Variants in KIDINS220 observed in about 807,000 individuals in gnomAD.
The protein encoded by KIDINS220 is kinase D-interacting substrate of 220 kDa.
Under a neutral mutation model 157.6 loss-of-function variants are expected in KIDINS220, and 63 were observed. The ratio of observed to expected loss-of-function variants is 0.40; its 90% CI spans 0.33 to 0.49. The LOEUF is 0.49. Among genes scored for constraint, KIDINS220 ranks in the 20% least tolerant of loss-of-function variants. The pLI is 0.66. For synonymous variants in KIDINS220, 732 were observed against 783.6 expected (o/e 0.93, Z 1.10); for missense variants, 1,772 against 2,171.2 (o/e 0.82, Z 3.65).
chr2:8,801,051 T>G (rs567344121), intron 8 of KIDINS220, among the ~76,000 whole-genome samples: 1 of 152,290 alleles, frequency 6.6e-6, no homozygotes, highest in African/African-American at 2.4e-5. Context: ...TAAGACTGAC[T>G]CATTCCCCAG....
In KIDINS220 at chr2:8,751,538, C is replaced by G; in HGVS notation, c.3118G>C (p.Val1040Leu). ...AAAAAGACTTTTACATCTCGAGCCA[C>G]AAGAACTGGGGTCCTTGAAGACAAA... ...VFLSSRTPVL[V>L]ARDVKVFLPC... The change falls in exon 23 of 30, where the codon GTG becomes CTG. Residue 1040 changes from valine (V) to leucine (L), a missense_variant. Physicochemically the swap from Val to Leu is conservative, Grantham distance 32 (BLOSUM62 1). This residue lies in a region of KIDINS220 where 725 missense variants were observed against 1,017.1 expected (regional missense o/e 0.71). Transcript: ENST00000256707. 6.2e-7 allele frequency: 1 copy of G among 1,613,714 alleles called. No homozygotes were observed. The highest frequency in any genetic ancestry group is 8.5e-7 in the Non-Finnish European group (1 of 1,179,880).
chr2:8,831,927 C>T (rs1679682537), intron 1 of KIDINS220, among the ~76,000 whole-genome samples: 1 of 152,206 alleles, frequency 6.6e-6, no homozygotes, highest in Admixed American at 6.5e-5. Flanking sequence ...TCACCCAAAC[C>T]ACAAAATGCC....
intron 22 of KIDINS220, among the ~76,000 whole-genome samples, chr2:8,752,082 G>A (rs1667442111): frequency 6.6e-6 from 1 of 151,620 alleles, no homozygotes; most frequent in African/African-American, 2.4e-5. Flanking sequence ...GTGCAGTGGT[G>A]CAGTCTTGGC....
intron 26 of KIDINS220, among the ~76,000 whole-genome samples, chr2:8,745,785 C>T (rs1014267853): frequency 1.6e-4 from 25 of 152,112 alleles, no homozygotes; most frequent in Admixed American, 1.2e-3. Flanking sequence ...AGCAAAAGAG[C>T]GAAACTCCGT....
chr2:8,753,699 C>T (rs1289018486), intron 22 of KIDINS220, among the ~76,000 whole-genome samples: 3 of 152,188 alleles, frequency 2.0e-5, no homozygotes, highest in Non-Finnish European at 1.5e-5. Context: ...GAAATGGGAA[C>T]CTTATTCTAA....
intron 3 of KIDINS220, 28 bp from the exon 4 acceptor site, chr2:8,817,744 T>C (rs1677293606): frequency 3.4e-6 from 5 of 1,472,564 alleles, no homozygotes; most frequent in Non-Finnish European, 3.7e-6. Flanking sequence ...AAAGTTATCA[T>C]TTTCAAACCA....
chr2:8,783,988 A>C (rs139322864), intron 17 of KIDINS220, among the ~76,000 whole-genome samples: 2 of 152,164 alleles, frequency 1.3e-5, no homozygotes, highest in Non-Finnish European at 2.9e-5. Flanking sequence ...GGAGAACAAA[A>C]TAGGAGGACT....
chr2:8,822,883 TA>T (rs1369847617), intron 2 of KIDINS220, among the ~76,000 whole-genome samples: 1 of 152,206 alleles, frequency 6.6e-6, no homozygotes, highest in Non-Finnish European at 1.5e-5. Flanking sequence ...AGTTTATAAA[TA>T]AAGCAATAAA....
At chr2:8,803,471 T>C (rs1472064133) in intron 7 of KIDINS220, among the ~76,000 whole-genome samples, 2 of 152,122 alleles carry the variant, frequency 1.3e-5, no homozygotes, top group Admixed American at 1.3e-4. Context: ...TTAACACCTA[T>C]ATAGAATGTG....
At chr2:8,769,100 T>G (rs1669845680) in intron 22 of KIDINS220, among the ~76,000 whole-genome samples, 1 of 152,174 alleles carries the variant, frequency 6.6e-6, no homozygotes. Flanking sequence ...TGAGTTGGTT[T>G]AATGGCAAAG....
intron 6 of KIDINS220, 62 bp downstream of exon 6, chr2:8,812,333 A>G: frequency 2.7e-6 from 2 of 739,740 alleles, no homozygotes; most frequent in Non-Finnish European, 4.3e-6. Context: ...AAAAATGTTT[A>G]TAACTTAGAC....
At chr2:8,763,064 T>G (rs1471885746) in intron 22 of KIDINS220, among the ~76,000 whole-genome samples, 1 of 152,212 alleles carries the variant, frequency 6.6e-6, no homozygotes, top group East Asian at 1.9e-4. Flanking sequence ...GATACCCTAA[T>G]AAGTTATTCT....
At chr2:8,802,264 T>C (rs926389705) in intron 8 of KIDINS220, among the ~76,000 whole-genome samples, 3 of 152,124 alleles carry the variant, frequency 2.0e-5, no homozygotes, top group Non-Finnish European at 4.4e-5. Context: ...ATTTATTGTT[T>C]TAAAGATCAC....
At chr2:8,785,580 A>G (rs1672281020) in intron 17 of KIDINS220, among the ~76,000 whole-genome samples, 161 bp downstream of exon 17, 1 of 152,178 alleles carries the variant, frequency 6.6e-6, no homozygotes, top group African/African-American at 2.4e-5. Flanking sequence ...AAACTACCTT[A>G]AATTATAGTC....
intron 22 of KIDINS220, among the ~76,000 whole-genome samples, chr2:8,768,271 A>G (rs1669732747): frequency 6.6e-6 from 1 of 151,980 alleles, no homozygotes; most frequent in South Asian, 2.1e-4. Context: ...CTCTCAAATG[A>G]TCCAGACAAA....
downstream of KIDINS220, chr2:8,723,823 A>C (rs1377670118): frequency 1.3e-5 from 2 of 152,248 alleles, no homozygotes; most frequent in Non-Finnish European, 2.9e-5. Flanking sequence ...GCATTTCCAC[A>C]AAGGACTAAA....
intron 17 of KIDINS220, 152 bp from the exon 18 acceptor site, chr2:8,779,966 G>A (rs552465255): frequency 1.4e-5 from 10 of 730,498 alleles, no homozygotes; most frequent in Admixed American, 2.8e-5. Flanking sequence ...AAATAAGAGC[G>A]AGTGCTTCAC....
chr2:8,732,795 C>T (rs960474764), intron 29 of KIDINS220, among the ~76,000 whole-genome samples: 1 of 152,122 alleles, frequency 6.6e-6, no homozygotes, highest in African/African-American at 2.4e-5. Context: ...CAGTGTTACT[C>T]GCTGCCGCCC....
intron 21 of KIDINS220, among the ~76,000 whole-genome samples, chr2:8,776,475 A>G (rs987224392): frequency 2.0e-5 from 3 of 152,198 alleles, no homozygotes; most frequent in African/African-American, 7.2e-5. Context: ...TCAGAATAAA[A>G]TTATCTTTAT....
Sources: allele counts gnomAD v4.1 joint callset (sites outside exome capture counted in the v4.1 genomes callset), GRCh38; gene constraint gnomAD v4.1.1; regional missense constraint gnomAD v4.1.1; transcripts MANE v1.5; gene names NCBI Gene and HGNC (gene_info 2026-07-23, HGNC 2026-07-21).